Variants in CPNE4 observed in about 807,000 individuals in gnomAD.
CPNE4 encodes copine-4.
In CPNE4, 25 loss-of-function variants were observed where a neutral mutation model predicts 67.9. That is an observed-to-expected ratio of 0.37 (90% CI 0.27 to 0.51). The LOEUF (loss-of-function observed/expected upper bound fraction) is 0.51. Among genes scored for constraint, CPNE4 ranks in the 20% least tolerant of loss-of-function variants. The pLI, the probability that CPNE4 is intolerant of heterozygous loss-of-function variation, is 0.93. For missense variants in CPNE4, 464 were observed against 690.8 expected (o/e 0.67, Z 3.68); for synonymous variants, 242 against 244.9 (o/e 0.99, Z 0.11).
chr3:131,715,868 T>C (rs2081671996), intron 3 of CPNE4, among the ~76,000 whole-genome samples: 1 of 152,178 alleles, frequency 6.6e-6, no homozygotes, highest in South Asian at 2.1e-4. Flanking sequence ...CTATTGGATG[T>C]AGCAGAAGAG....
intron 7 of CPNE4, among the ~76,000 whole-genome samples, chr3:131,599,950 G>A (rs1353532242): frequency 6.6e-6 from 1 of 152,104 alleles, no homozygotes; most frequent in Non-Finnish European, 1.5e-5. Context: ...TAATGACATG[G>A]GTCAAGAGAA....
At chr3:131,894,509 G>A (rs1380041606) in intron 2 of CPNE4, among the ~76,000 whole-genome samples, 2 of 151,396 alleles carry the variant, frequency 1.3e-5, no homozygotes, top group Non-Finnish European at 3.0e-5. Context: ...GAATATATAA[G>A]GAACTTAACA....
intron 2 of CPNE4, among the ~76,000 whole-genome samples, chr3:131,796,125 A>G (rs892779937): frequency 6.6e-6 from 1 of 151,988 alleles, no homozygotes. Context: ...CTGGGCTCTA[A>G]TATCTTTGGC....
chr3:131,735,821 C>T (rs1181236400), intron 2 of CPNE4, among the ~76,000 whole-genome samples: 2 of 152,192 alleles, frequency 1.3e-5, no homozygotes, highest in Non-Finnish European at 2.9e-5. Context: ...ACAAATGAGA[C>T]ACCTATGAAT....
intron 1 of CPNE4, among the ~76,000 whole-genome samples, chr3:131,981,160 CT>C (rs1272782143): frequency 2.0e-5 from 3 of 152,056 alleles, no homozygotes; most frequent in Admixed American, 2.0e-4. Flanking sequence ...TATTTTTGTG[CT>C]GGTTGGCCTC....
At chr3:131,900,356 T>C (rs1193505904) in intron 2 of CPNE4, among the ~76,000 whole-genome samples, 1 of 151,918 alleles carries the variant, frequency 6.6e-6, no homozygotes, top group Non-Finnish European at 1.5e-5. Flanking sequence ...TGGTGGTGAG[T>C]ATGTGGAGAA....
At chr3:131,993,029 G>C (rs148031533) in intron 1 of CPNE4, among the ~76,000 whole-genome samples, 2,015 of 136,184 alleles carry the variant, frequency 0.015, 167 homozygotes, top group African/African-American at 0.046. Context: ...GTCTTTATTA[G>C]CAGCATGAGA....
intron 2 of CPNE4, among the ~76,000 whole-genome samples, chr3:131,798,664 G>A (rs2083988430): frequency 6.6e-6 from 1 of 152,056 alleles, no homozygotes. Context: ...TGAGAGTCCA[G>A]AAAGGAAGTG....
At chr3:131,650,882 T>C (rs1473833583) in intron 7 of CPNE4, among the ~76,000 whole-genome samples, 1 of 151,728 alleles carries the variant, frequency 6.6e-6, no homozygotes, top group Non-Finnish European at 1.5e-5. Context: ...TTGATAGAAA[T>C]GCATAGTAAA....
intron 2 of CPNE4, among the ~76,000 whole-genome samples, chr3:131,825,084 C>T (rs1226989087): frequency 6.6e-6 from 1 of 152,094 alleles, no homozygotes; most frequent in Non-Finnish European, 1.5e-5. Context: ...GATTCCTTAG[C>T]AGCTTTTGGT....
At chr3:131,568,641 G>A (rs1479677867) in intron 10 of CPNE4, among the ~76,000 whole-genome samples, 2 of 151,428 alleles carry the variant, frequency 1.3e-5, no homozygotes, top group East Asian at 3.9e-4. Flanking sequence ...CAGAGCTGTG[G>A]AGCAGCTTTG....
intron 14 of CPNE4, among the ~76,000 whole-genome samples, chr3:131,547,477 A>C (rs1935927005): frequency 3.9e-5 from 5 of 129,820 alleles, no homozygotes; most frequent in African/African-American, 7.4e-5. Context: ...AAAAAAAAAA[A>C]AAAAAAAAAA....
chr3:131,620,242 A>G (rs1280158163), intron 7 of CPNE4, among the ~76,000 whole-genome samples: 1 of 152,236 alleles, frequency 6.6e-6, no homozygotes, highest in Non-Finnish European at 1.5e-5. Flanking sequence ...TTTTCAGAAC[A>G]CAAAAATTGC....
chr3:132,015,394 C>A (rs1457834458), intron 1 of CPNE4, among the ~76,000 whole-genome samples: 2 of 152,158 alleles, frequency 1.3e-5, no homozygotes, highest in East Asian at 3.9e-4. Flanking sequence ...AGAAGGTAAC[C>A]CTTTCAACCA....
At chr3:131,853,592 ACT>A (rs1306603187) in intron 2 of CPNE4, among the ~76,000 whole-genome samples, 7 of 151,880 alleles carry the variant, frequency 4.6e-5, no homozygotes, top group Admixed American at 1.3e-4. Context: ...GTTTAACCAA[ACT>A]TTTTTTCTCT....
chr3:131,605,761 T>C (rs1447153608), intron 7 of CPNE4, among the ~76,000 whole-genome samples: 1 of 152,078 alleles, frequency 6.6e-6, no homozygotes, highest in African/African-American at 2.4e-5. Context: ...TCTATGTAGA[T>C]GTTGGAGTTG....
In CPNE4 at chr3:131,833,430, A is replaced by G. The variant is rs1400878320; in HGVS notation, c.180+71834T>C. Among the ~76,000 whole-genome samples, 3 of 152,302 alleles carry G rather than the reference A, an allele frequency of 2.0e-5. No individual in the cohort carries two copies. In the East Asian group the frequency reaches 5.8e-4, roughly 29 times the overall value. ...TGCTTGGGGCTGGGAGGAGTGATCC[A>G]TGCCTGTAATCCCAGAACTTTGGGA... On this transcript the variant is annotated intron_variant, in intron 2 of 15. Transcript: ENST00000429747.
At chr3:131,916,040 A>C (rs924491332) in intron 1 of CPNE4, among the ~76,000 whole-genome samples, 1 of 152,228 alleles carries the variant, frequency 6.6e-6, no homozygotes, top group East Asian at 1.9e-4. Context: ...AAATCGCAAG[A>C]GAAATCGTAT....
rs146215444 is a variant in CPNE4, at chr3:131,639,783, A to G, written c.681+29892T>C. On this transcript the variant is annotated intron_variant, in intron 7 of 15. Coordinates refer to ENST00000429747, the MANE Select transcript of CPNE4 (RefSeq NM_130808.3). Reference sequence around the variant, plus strand: ...ACAAAATACTAGTGAACCAAATCCAATAGCATATCAAAAAAAGATAATTCA... The same window carrying G: ...ACAAAATACTAGTGAACCAAATCCAGTAGCATATCAAAAAAAGATAATTCA... 8.6e-3 allele frequency among the ~76,000 whole-genome samples: 1,316 copies of G among 152,284 alleles called. 23 individuals carry two copies. The highest frequency in any genetic ancestry group is 0.01 in the Non-Finnish European group (710 of 67,978).
Sources: gnomAD v4.1 joint callset for allele counts (sites outside exome capture counted in the v4.1 genomes callset) on GRCh38, gnomAD v4.1.1 for gene constraint, MANE v1.5 for transcripts, NCBI Gene and HGNC (gene_info 2026-07-23, HGNC 2026-07-21) for gene names.